LAMA1: variants seen among roughly 807,000 people sequenced by gnomAD.
The protein encoded by LAMA1 is laminin subunit alpha-1.
Under a neutral mutation model 348.7 loss-of-function variants are expected in LAMA1, and 219 were observed. That is an observed-to-expected ratio of 0.63 (90% CI 0.56 to 0.70). The LOEUF is 0.70. Ranked by LOEUF, LAMA1 falls within the 30% of genes least tolerant of loss-of-function variation. The pLI is 0.00. For missense variants in LAMA1, 3,744 were observed against 3,888.0 expected, an observed-to-expected ratio of 0.96 and a Z score of 0.99; for synonymous variants, 1,487 against 1,491.0, an observed-to-expected ratio of 1.00 and a Z score of 0.06.
At chr18:7,016,455 G>T in intron 21 of LAMA1, 36 bp downstream of exon 21, 2 of 1,612,898 alleles carry the variant, frequency 1.2e-6, no homozygotes, top group South Asian at 2.2e-5. Context: ...CTCTGGGAAT[G>T]ACTACAAAGT....
At chr18:7,104,866 A>G (rs573065843) in intron 1 of LAMA1, among the ~76,000 whole-genome samples, 1 of 152,348 alleles carries the variant, frequency 6.6e-6, no homozygotes, top group African/African-American at 2.4e-5. Context: ...TCTACCCTGC[A>G]GACGGGCCCA....
chr18:6,950,777 C>T lies in LAMA1; in HGVS notation c.8397+5G>A, dbSNP rs748870112. 5.9e-5 allele frequency: 95 copies of T among 1,613,866 alleles called. No individual in the cohort carries two copies. The highest frequency in any genetic ancestry group is 7.5e-5 in the Non-Finnish European group (88 of 1,179,896). On this transcript the variant is annotated splice_donor_5th_base_variant and intron_variant, in intron 58 of 62. Coordinates refer to ENST00000389658, the MANE Select transcript of LAMA1 (RefSeq NM_005559.4). ...GCAGCCACCACAAGCCTCCTGAGAT[C>T]GTACCGTGTGCCACTTGCCATCACT...
intron 42 of LAMA1, among the ~76,000 whole-genome samples, chr18:6,979,719 G>A (rs1477605289): frequency 1.3e-5 from 2 of 152,056 alleles, no homozygotes; most frequent in African/African-American, 4.8e-5. Flanking sequence ...CTAACACGGT[G>A]AAACCCCATC....
At chr18:7,072,670 C>T (rs1257076256) in intron 3 of LAMA1, among the ~76,000 whole-genome samples, 1 of 152,140 alleles carries the variant, frequency 6.6e-6, no homozygotes, top group East Asian at 1.9e-4. Flanking sequence ...TGGCTGACCA[C>T]CATAATAACA....
chr18:7,029,977 GA>G lies in LAMA1; in HGVS notation c.2274+2088del, dbSNP rs528720316. 3.5e-3 allele frequency among the ~76,000 whole-genome samples: 504 copies of G among 145,738 alleles called. 4 individuals carry two copies. Among genetic ancestry groups the G allele is most frequent in the African/African-American group, 0.011 (443 of 39,630 alleles). ...TCAAGCTTGTTTTTACAATATATTAGAAAAAAAAAAACCAGCAAGGTTAGAT... is the reference window on the plus strand; with the variant it reads ...TCAAGCTTGTTTTTACAATATATTAGAAAAAAAAAACCAGCAAGGTTAGAT... On this transcript the variant is annotated intron_variant, in intron 16 of 62. Transcript: ENST00000389658.
In LAMA1 at chr18:7,002,358, G is replaced by A; in HGVS notation, c.4288C>T (p.His1430Tyr). ...TAGCCAGAAGTACACACATCACAAT[G>A]GTCACCTGCTGTGTTATCGCCACAG... ...LNCGDNTAGD[H>Y]CDVCTSGYYG... is the part of the protein sequence containing the mutation. Residue 1430 changes from histidine (H) to tyrosine (Y), a missense_variant, in exon 30 of 63, where the codon CAT (histidine) becomes TAT (tyrosine). His to Tyr is a moderately conservative substitution (Grantham distance 83). Around this residue, in one of 3 missense-constraint regions of LAMA1, gnomAD observed 1,983 missense variants for 1,934.3 expected, o/e 1.03. Transcript: ENST00000389658. 2.5e-6 allele frequency: 4 copies of A among 1,613,738 alleles called. No homozygotes were observed. Among genetic ancestry groups the A allele is most frequent in the Admixed American group, 1.7e-5 (1 of 60,024 alleles).
rs1339941868 is a variant in LAMA1, at chr18:6,965,445, G to A, written c.7051-13C>T. ...ATAAAAAGTCTTTCTGTAAAAAAGA[G>A]AACACAGTTCCCCAGGTTATAGCTT... On this transcript the variant is annotated splice_polypyrimidine_tract_variant and intron_variant, in intron 49 of 62. Coordinates refer to ENST00000389658, the MANE Select transcript of LAMA1 (RefSeq NM_005559.4). The A allele has an allele frequency of 6.8e-6, 11 of 1,613,912 alleles. No homozygotes were observed. Among genetic ancestry groups the A allele is most frequent in the African/African-American group, 1.3e-5 (1 of 74,934 alleles).
intron 1 of LAMA1, among the ~76,000 whole-genome samples, chr18:7,117,266 C>G (rs767151266): frequency 2.0e-4 from 31 of 151,956 alleles, no homozygotes; most frequent in Non-Finnish European, 7.4e-5. Flanking sequence ...ACAGCCCCGC[C>G]ACCCCCGCCC....
chr18:7,042,559 A>G (rs530183339), intron 8 of LAMA1: 16 of 349,836 alleles, frequency 4.6e-5, no homozygotes, highest in Admixed American at 2.0e-4. Context: ...ACAAGGACTC[A>G]TGTAAGAACT....
At chr18:7,100,149 A>G (rs1799522815) in intron 1 of LAMA1, among the ~76,000 whole-genome samples, 1 of 152,120 alleles carries the variant, frequency 6.6e-6, no homozygotes. Context: ...TATCCAGGAA[A>G]TATGCAAAAC....
intron 3 of LAMA1, among the ~76,000 whole-genome samples, chr18:7,074,341 A>T (rs2143770721): frequency 6.6e-6 from 1 of 152,328 alleles, no homozygotes; most frequent in Middle Eastern, 3.4e-3. Context: ...TTTTCATCTC[A>T]ACAGTGTATT....
At chr18:7,101,215 C>T (rs1403002859) in intron 1 of LAMA1, among the ~76,000 whole-genome samples, 1 of 152,144 alleles carries the variant, frequency 6.6e-6, no homozygotes, top group African/African-American at 2.4e-5. Context: ...TTAAACTGTA[C>T]ACTTAACAAT....
chr18:6,956,682 G>C lies in LAMA1; in HGVS notation c.8048C>G (p.Pro2683Arg). The change falls in exon 56 of 63, where the codon CCC (proline) becomes CGC (arginine). Residue 2683 changes from proline (P) to arginine (R), a missense_variant. By Grantham distance (103) the Pro-to-Arg change is moderately radical (BLOSUM62 -2). Transcript: ENST00000389658. The part of the protein sequence containing the change: ...CWLSERPKLA[P>R]DAEDSKLLPE... ...CAAGAGCTTGCTGTCCTCTGCATCG[G>C]GAGCCAGCTTAGGCCTTTCTGACAG... The C allele has an allele frequency of 6.2e-7, 1 of 1,614,176 alleles. No individual in the cohort carries two copies. The highest frequency in any genetic ancestry group is 8.5e-7 in the Non-Finnish European group (1 of 1,180,042).
chr18:6,984,231 G>T (rs758392217), intron 39 of LAMA1, among the ~76,000 whole-genome samples: 90 of 152,092 alleles, frequency 5.9e-4, no homozygotes, highest in Non-Finnish European at 9.6e-4. Context: ...TATCTTATAC[G>T]ATTTTTAATT....
At chr18:7,107,285 A>AT (rs1358539680) in intron 1 of LAMA1, among the ~76,000 whole-genome samples, 2 of 151,818 alleles carry the variant, frequency 1.3e-5, no homozygotes, top group Non-Finnish European at 2.9e-5. Flanking sequence ...CGCCCGGCTA[A>AT]TTTTTTGTAT....
chr18:7,066,432 C>T (rs769796276), intron 3 of LAMA1, among the ~76,000 whole-genome samples: 3 of 152,134 alleles, frequency 2.0e-5, no homozygotes, highest in Non-Finnish European at 4.4e-5. Context: ...AGAGTCAAAT[C>T]GGTTCTTTCT....
intron 3 of LAMA1, among the ~76,000 whole-genome samples, chr18:7,064,280 CAA>C (rs796152248): frequency 4.7e-5 from 7 of 149,746 alleles, no homozygotes; most frequent in African/African-American, 1.7e-4. Context: ...ACACCCCCTC[CAA>C]AAAAAAAGAG....
chr18:7,012,497 A>ATTATTATTAT (rs1246700561), intron 23 of LAMA1, among the ~76,000 whole-genome samples: 4 of 143,586 alleles, frequency 2.8e-5, no homozygotes, highest in African/African-American at 1.0e-4. Context: ...TATTATTATT[A>ATTATTATTAT]TATTATTATT....
Position 7,034,358 on chromosome 18 carries a change from C to A in LAMA1, c.2051+121G>T, listed in dbSNP as rs367781597. ...TAATAATTCTTAAGACAGCCAGATC[C>A]TGTAGCTGTGTCCTTAATATAATGA... On this transcript the variant is annotated intron_variant, in intron 14 of 62. Coordinates refer to ENST00000389658, the MANE Select transcript of LAMA1 (RefSeq NM_005559.4). 3.9e-6 allele frequency: 3 copies of A among 767,730 alleles called. No homozygotes were observed. In the South Asian group the frequency reaches 4.5e-5, roughly 11 times the overall value. 47.6% of individuals were successfully genotyped at this position (767,730 alleles called of 1,614,324 possible).
Sources: allele counts gnomAD v4.1 joint callset (sites outside exome capture counted in the v4.1 genomes callset), GRCh38; gene constraint gnomAD v4.1.1; regional missense constraint gnomAD v4.1.1; transcripts MANE v1.5; gene names NCBI Gene and HGNC (gene_info 2026-07-23, HGNC 2026-07-21).